Variants in SGSM3 observed in about 807,000 individuals in gnomAD.
The protein encoded by SGSM3 is small G protein signaling modulator 3.
A neutral mutation model predicts 100.5 loss-of-function variants in SGSM3; 96 were observed. The ratio of observed to expected loss-of-function variants is 0.96; its 90% CI spans 0.81 to 1.13. SGSM3 has a LOEUF of 1.13. Among genes scored for constraint, SGSM3 ranks in the 50% most tolerant of loss-of-function variants. SGSM3 has a pLI of 0.00. For synonymous variants in SGSM3, 483 were observed against 422.8 expected, an observed-to-expected ratio of 1.14 and a Z score of -1.75; for missense variants, 1,001 against 1,015.8, an observed-to-expected ratio of 0.99 and a Z score of 0.20.
Position 40,410,215 on chromosome 22 carries a change from T to G in SGSM3, c.*456T>G. On this transcript the variant is annotated 3_prime_UTR_variant, in exon 22 of 22. Coordinates refer to ENST00000248929, the MANE Select transcript of SGSM3 (RefSeq NM_015705.6). The stretch of plus-strand genomic sequence containing the variant: ...AGGCACTGCGTGGCCCCTCAGATGC[T>G]GGGACACAACAGACCCGGGACCCAG... The G allele has an allele frequency of 9.4e-7, 1 of 1,058,682 alleles. No individual in the cohort carries two copies. The highest frequency in any genetic ancestry group is 1.1e-6 in the Non-Finnish European group (1 of 875,678). 65.6% of individuals were successfully genotyped at this position (1,058,682 alleles called of 1,614,324 possible).
At chr22:40,379,962 C>T (rs2047290953) in intron 1 of SGSM3, among the ~76,000 whole-genome samples, 3 of 152,244 alleles carry the variant, frequency 2.0e-5, no homozygotes, top group South Asian at 2.1e-4. Flanking sequence ...CCACCCTCCT[C>T]GGCCTCCTAA....
At chr22:40,386,401 C>T (rs2048448086) in intron 1 of SGSM3, among the ~76,000 whole-genome samples, 1 of 152,040 alleles carries the variant, frequency 6.6e-6, no homozygotes, top group Non-Finnish European at 1.5e-5. Context: ...TCTGGGATTT[C>T]TGTTGGTAAT....
At chr22:40,404,503 C>CA in intron 5 of SGSM3, 48 bp downstream of exon 5, 1 of 1,610,456 alleles carries the variant, frequency 6.2e-7, no homozygotes, top group Non-Finnish European at 8.5e-7. Context: ...GTCCTGGCCC[C>CA]ATGATCAGGT....
intron 1 of SGSM3, among the ~76,000 whole-genome samples, chr22:40,400,143 T>C (rs1023499763): frequency 6.6e-6 from 1 of 152,242 alleles, no homozygotes; most frequent in Non-Finnish European, 1.5e-5. Flanking sequence ...GGTTCTGTTA[T>C]GGACCAGGAT....
chr22:40,371,766 G>A (rs920148211), intron 1 of SGSM3, among the ~76,000 whole-genome samples: 3 of 151,488 alleles, frequency 2.0e-5, no homozygotes, highest in African/African-American at 7.3e-5. Flanking sequence ...ACATGATCTC[G>A]GCTCACTGCA....
At chr22:40,377,342 G>A (rs975509620) in intron 1 of SGSM3, among the ~76,000 whole-genome samples, 2 of 152,160 alleles carry the variant, frequency 1.3e-5, no homozygotes, top group Non-Finnish European at 2.9e-5. Flanking sequence ...ACAACCACAG[G>A]CTAATTCCTA....
chr22:40,406,881 C>T, intron 10 of SGSM3, 136 bp from the exon 11 acceptor site: 2 of 1,012,882 alleles, frequency 2.0e-6, no homozygotes, highest in Non-Finnish European at 3.0e-6. Context: ...GAAGGCAGAC[C>T]CAGCTCTGAT....
At chr22:40,393,674 C>T (rs2049666025) in intron 1 of SGSM3, among the ~76,000 whole-genome samples, 1 of 152,182 alleles carries the variant, frequency 6.6e-6, no homozygotes. Context: ...TATGCTGGGT[C>T]ATTTTTAAAG....
chr22:40,374,195 G>A (rs1389844303), intron 1 of SGSM3, among the ~76,000 whole-genome samples: 2 of 152,014 alleles, frequency 1.3e-5, no homozygotes, highest in Non-Finnish European at 2.9e-5. Context: ...CTCGTGATCC[G>A]CCTGCCTCGG....
In SGSM3 at chr22:40,407,143, C is replaced by T. The variant is rs1274560234; in HGVS notation, c.1241-58C>T. 6.2e-7 allele frequency: 1 copy of T among 1,612,106 alleles called. No individual in the cohort carries two copies. The highest frequency in any genetic ancestry group is 8.5e-7 in the Non-Finnish European group (1 of 1,179,050). On this transcript the variant is annotated intron_variant, in intron 11 of 21. Coordinates refer to ENST00000248929, the MANE Select transcript of SGSM3 (RefSeq NM_015705.6). The surrounding 1 kb of genome is among the most constrained non-coding windows in gnomAD (Gnocchi z 4.7). ...TCCTCACGCTCATGTGGACGTGGAG[C>T]TTCCTCCTCGGGGGCCTGGAGTGGG...
chr22:40,408,492 C>A (rs1347658683), intron 16 of SGSM3, 63 bp downstream of exon 16: 1 of 1,601,666 alleles, frequency 6.2e-7, no homozygotes, highest in East Asian at 2.2e-5. Flanking sequence ...CCCCTAGTAC[C>A]CATCTTAGGT....
chr22:40,406,258 G>A, intron 9 of SGSM3, 35 bp downstream of exon 9: 1 of 1,611,250 alleles, frequency 6.2e-7, no homozygotes, highest in Non-Finnish European at 8.5e-7. Flanking sequence ...TGAGGAGTAG[G>A]CACCCGAGAT....
intron 1 of SGSM3, among the ~76,000 whole-genome samples, chr22:40,384,377 AAC>A (rs1302751351): frequency 6.6e-6 from 1 of 152,244 alleles, no homozygotes; most frequent in Non-Finnish European, 1.5e-5. Context: ...TTATTCAGGA[AAC>A]ACAGATTTTA....
At chr22:40,403,118 C>G (rs1296679898) in intron 4 of SGSM3, among the ~76,000 whole-genome samples, 1 of 152,218 alleles carries the variant, frequency 6.6e-6, no homozygotes, top group African/African-American at 2.4e-5. Flanking sequence ...TCAGAGTGTT[C>G]ACTGTTACAC....
At chr22:40,384,635 C>T (rs1378282396) in intron 1 of SGSM3, among the ~76,000 whole-genome samples, 1 of 152,114 alleles carries the variant, frequency 6.6e-6, no homozygotes, top group Non-Finnish European at 1.5e-5. Flanking sequence ...AAAAAATTAG[C>T]TGGGCATGGT....
chr22:40,409,684 G>C lies in SGSM3; in HGVS notation c.2175G>C (p.Ala725=). The C allele has an allele frequency of 6.2e-7, 1 of 1,613,254 alleles. No homozygotes were observed. The highest frequency in any genetic ancestry group is 8.5e-7 in the Non-Finnish European group (1 of 1,179,658). Residue 725 remains alanine, a splice_region_variant and synonymous_variant, in exon 22 of 22, where the codon GCG becomes GCC. Coordinates refer to ENST00000248929, the MANE Select transcript of SGSM3 (RefSeq NM_015705.6). The part of the protein sequence containing the change: ...QDWELPAKRE[A]QQPLKEGVRD... ...GTGAGGGGCTGCCCTGTTTGCAGGC[G>C]CAGCAGCCCCTGAAGGAGGGCGTCC...
At position 40,404,801 on chromosome 22, in the gene SGSM3, C is replaced by A. The variant is rs2146977658; in HGVS notation, c.474+137C>A. 4 of 684,922 alleles carry A rather than the reference C, an allele frequency of 5.8e-6. No homozygotes were observed. In the Admixed American group the frequency reaches 1.0e-4, roughly 17 times the overall value. 42.4% of individuals were successfully genotyped at this position (684,922 alleles called of 1,614,324 possible). A position where few individuals can be genotyped will look rare whatever the true frequency, so the allele number is the denominator to read the frequency against. On this transcript the variant is annotated intron_variant, in intron 6 of 21. Coordinates refer to ENST00000248929, the MANE Select transcript of SGSM3 (RefSeq NM_015705.6). The stretch of plus-strand genomic sequence containing the variant: ...TATTTGCTCCTTCCTTGGTCCTCTG[C>A]AGGCCAAAGAAAGAATTGTCCAAAA...
intron 9 of SGSM3, 90 bp from the exon 10 acceptor site, chr22:40,406,348 G>A (rs1425682154): frequency 1.2e-5 from 18 of 1,496,138 alleles, no homozygotes; most frequent in South Asian, 7.6e-5. Flanking sequence ...CAAGGCAAAC[G>A]GGTCCCTGAG....
intron 1 of SGSM3, among the ~76,000 whole-genome samples, chr22:40,381,135 G>A (rs753978539): frequency 2.6e-5 from 4 of 151,900 alleles, no homozygotes; most frequent in Admixed American, 1.3e-4. Flanking sequence ...AGAGGTACAC[G>A]CTTTTCTTTT....
Sources: allele counts gnomAD v4.1 joint callset (sites outside exome capture counted in the v4.1 genomes callset), GRCh38; gene constraint gnomAD v4.1.1; non-coding constraint Gnocchi (gnomAD v3.1); transcripts MANE v1.5; gene names NCBI Gene and HGNC (gene_info 2026-07-23, HGNC 2026-07-21).